The following WNK2 variants were observed in gnomAD, a reference collection of about 807,000 sequenced individuals.
WNK2 encodes WNK lysine deficient protein kinase 2.
A neutral mutation model predicts 192.1 loss-of-function variants in WNK2; 67 were observed. The observed-to-expected ratio is 0.35, with a 90% confidence interval of 0.29 to 0.43. WNK2 has a LOEUF of 0.43. Ranked by LOEUF, WNK2 falls within the 20% of genes least tolerant of loss-of-function variation. The pLI is 1.00. For missense variants in WNK2, 2,698 were observed against 3,089.7 expected (o/e 0.87, Z 3.01); for synonymous variants, 1,439 against 1,393.9 (o/e 1.03, Z -0.72).
At position 93,247,167 on chromosome 9, in the gene WNK2, T is replaced by C. The variant is rs1841868417; in HGVS notation, c.1543-376T>C. Among the ~76,000 whole-genome samples the C allele has an allele frequency of 6.6e-6, 1 of 152,246 alleles. No individual in the cohort carries two copies. Reference sequence around the variant, plus strand: ...ACTCAGAGACGTTTCAGGAAAATGCTAGCTCCAAAGCTCCTTGTCACCACT... The same window carrying C: ...ACTCAGAGACGTTTCAGGAAAATGCCAGCTCCAAAGCTCCTTGTCACCACT... On this transcript the variant is annotated intron_variant, in intron 7 of 29. Coordinates refer to ENST00000427277, the MANE Select transcript of WNK2 (RefSeq NM_006648.4). The surrounding 1 kb of genome is among the most constrained non-coding windows in gnomAD (Gnocchi z 5.2).
intron 7 of WNK2, among the ~76,000 whole-genome samples, chr9:93,245,341 C>G (rs1841504397): frequency 6.6e-6 from 1 of 152,212 alleles, no homozygotes; most frequent in Admixed American, 6.5e-5. Context: ...ACTCAGGTCC[C>G]CAGTTGTCCC....
intron 2 of WNK2, among the ~76,000 whole-genome samples, chr9:93,224,580 C>T (rs1053720536): frequency 1.3e-5 from 2 of 152,230 alleles, no homozygotes; most frequent in Non-Finnish European, 2.9e-5. Flanking sequence ...GCTGTCCTGC[C>T]TTGCCTGTGT....
chr9:93,221,632 A>T (rs987151484), intron 2 of WNK2, among the ~76,000 whole-genome samples: 1 of 152,218 alleles, frequency 6.6e-6, no homozygotes, highest in African/African-American at 2.4e-5. Context: ...TTGGTCAACT[A>T]TGCACTGCTA....
At chr9:93,184,514 C>G (rs1436738286) in intron 1 of WNK2, among the ~76,000 whole-genome samples, 129 bp downstream of exon 1, 2 of 152,058 alleles carry the variant, frequency 1.3e-5, no homozygotes, top group African/African-American at 4.8e-5. Context: ...CGCCGGGCCA[C>G]TGCCTTCCTC....
chr9:93,200,513 G>A (rs377619243), intron 2 of WNK2, among the ~76,000 whole-genome samples: 3 of 152,218 alleles, frequency 2.0e-5, no homozygotes, highest in Non-Finnish European at 4.4e-5. Flanking sequence ...GCAATTCGAC[G>A]CCTACCCTGG....
At chr9:93,317,255 C>G in intron 28 of WNK2, 2 of 571,426 alleles carry the variant, frequency 3.5e-6, no homozygotes, top group Non-Finnish European at 6.3e-6. Flanking sequence ...AGTCCTCCTC[C>G]AAGTCCCATT....
chr9:93,262,926 G>A (rs1322252126), intron 14 of WNK2, among the ~76,000 whole-genome samples: 1 of 152,240 alleles, frequency 6.6e-6, no homozygotes, highest in Non-Finnish European at 1.5e-5. Context: ...GGTAGCCAGA[G>A]GCCCCTGGCT....
At chr9:93,305,795 A>G (rs113492054) in intron 26 of WNK2, among the ~76,000 whole-genome samples, 1 of 151,126 alleles carries the variant, frequency 6.6e-6, no homozygotes, top group South Asian at 2.2e-4. Flanking sequence ...AGCGCTGAGG[A>G]GCGTGTTCCT....
In WNK2 at chr9:93,308,529, A is replaced by G; in HGVS notation, c.6461A>G (p.Lys2154Arg). The G allele has an allele frequency of 6.2e-7, 1 of 1,604,316 alleles. No individual in the cohort carries two copies. Among genetic ancestry groups the G allele is most frequent in the Non-Finnish European group, 8.5e-7 (1 of 1,176,164 alleles). ...CTCAACCAGCTGAAGCAGACCCAGA[A>G]GCTGCAAGACATGGAGGCCCAGGCA... The part of the protein sequence containing the change: ...PTLNQLKQTQ[K>R]LQDMEAQAGW... The change falls in exon 28 of 30, where the codon AAG becomes AGG. Residue 2154 changes from lysine (K) to arginine (R), a missense_variant. Lys to Arg is a conservative substitution (Grantham distance 26). Around this residue, in one of 7 missense-constraint regions of WNK2, gnomAD observed 167 missense variants for 184.2 expected, o/e 0.91. Coordinates refer to ENST00000427277, the MANE Select transcript of WNK2 (RefSeq NM_006648.4).
At chr9:93,206,265 C>T (rs1219810413) in intron 2 of WNK2, among the ~76,000 whole-genome samples, 2 of 152,206 alleles carry the variant, frequency 1.3e-5, no homozygotes, top group East Asian at 3.9e-4. Context: ...CTTTTGAGCC[C>T]TCTGGTGCTG....
At chr9:93,231,446 T>C (rs1838782577) in intron 4 of WNK2, among the ~76,000 whole-genome samples, 1 of 152,154 alleles carries the variant, frequency 6.6e-6, no homozygotes, top group Non-Finnish European at 1.5e-5. Context: ...CAGCTCTGAT[T>C]GTCTAGCAGG....
intron 19 of WNK2, among the ~76,000 whole-genome samples, chr9:93,272,042 T>G (rs1041485098): frequency 3.9e-5 from 6 of 152,284 alleles, no homozygotes; most frequent in Admixed American, 1.3e-4. Flanking sequence ...CCTTCAAGAA[T>G]GAAGCTGAAG....
At chr9:93,269,085 G>C in intron 19 of WNK2, 2 of 796,054 alleles carry the variant, frequency 2.5e-6, no homozygotes, top group South Asian at 3.3e-5. Flanking sequence ...CCTCTGTGCC[G>C]CACACCTGCA....
At chr9:93,282,138 A>T (rs1357010626) in intron 19 of WNK2, among the ~76,000 whole-genome samples, 1 of 152,242 alleles carries the variant, frequency 6.6e-6, no homozygotes, top group Non-Finnish European at 1.5e-5. Flanking sequence ...GTTAAAATGC[A>T]TGAAAATGGG....
chr9:93,256,893 T>TGG, intron 10 of WNK2, 55 bp from the exon 11 acceptor site: 1 of 1,466,848 alleles, frequency 6.8e-7, no homozygotes, highest in Non-Finnish European at 9.1e-7. Flanking sequence ...ACCAGTGGGG[T>TGG]GCGCTTGTCT....
intron 29 of WNK2, 23 bp downstream of exon 29, chr9:93,317,654 A>G: frequency 3.1e-6 from 5 of 1,606,972 alleles, no homozygotes; most frequent in Non-Finnish European, 4.3e-6. Flanking sequence ...CCAACCTCCC[A>G]ACCCCACCCT....
intron 2 of WNK2, among the ~76,000 whole-genome samples, chr9:93,198,831 C>T (rs1831784399): frequency 6.6e-6 from 1 of 152,220 alleles, no homozygotes; most frequent in African/African-American, 2.4e-5. Context: ...CCTTTTCCAG[C>T]CCTGCCCTCT....
chr9:93,248,686 G>A (rs1031711733), intron 8 of WNK2, among the ~76,000 whole-genome samples: 7 of 152,296 alleles, frequency 4.6e-5, no homozygotes, highest in African/African-American at 1.7e-4. Context: ...TGAATTGGCA[G>A]GAATCACTTT....
chr9:93,295,619 G>T lies in WNK2; in HGVS notation c.5709-2234G>T, dbSNP rs186546985. On this transcript the variant is annotated intron_variant, in intron 23 of 29. Transcript: ENST00000427277. ...TACAGGCCTCCAGCCAGGGCCCCTG[G>T]GGTGGCCTTAGGCCTTGCAGAAGCT... 3.8e-3 allele frequency among the ~76,000 whole-genome samples: 577 copies of T among 151,996 alleles called. 3 individuals carry two copies. Among genetic ancestry groups the T allele is most frequent in the African/African-American group, 0.013 (556 of 41,384 alleles).
Sources: allele counts gnomAD v4.1 joint callset (sites outside exome capture counted in the v4.1 genomes callset), GRCh38; gene constraint gnomAD v4.1.1; regional missense constraint gnomAD v4.1.1; non-coding constraint Gnocchi (gnomAD v3.1); transcripts MANE v1.5; gene names NCBI Gene and HGNC (gene_info 2026-07-23, HGNC 2026-07-21).